The following CKMT1A variants were observed in gnomAD, a reference collection of about 807,000 sequenced individuals.
CKMT1A encodes creatine kinase U-type, mitochondrial.
CKMT1A carries 23 observed loss-of-function variants against 21.8 expected under a neutral mutation model. The observed-to-expected ratio is 1.05, with a 90% CI of 0.76 to 1.49. CKMT1A has a LOEUF of 1.49. Among genes scored for constraint, CKMT1A ranks in the 40% most tolerant of loss-of-function variants. The pLI is 0.00. For missense variants in CKMT1A, 154 were observed against 229.4 expected (o/e 0.67, Z 2.12); for synonymous variants, 67 against 80.4 (o/e 0.83, Z 0.89).
At chr15:43,697,363 G>A in intron 6 of CKMT1A, 1 of 1,233,138 alleles carries the variant, frequency 8.1e-7, no homozygotes, top group South Asian at 1.5e-5. Flanking sequence ...ACTACAAACA[G>A]GATCCCTTTA....
Position 43,696,237 on chromosome 15 carries a change from C to T in CKMT1A, c.753-3C>T, listed in dbSNP as rs1190263965. Reference sequence around the variant, plus strand: ...TTGATCACTGTCCCTCTCCGGCCCTCAGGCACAACAATGAGAAGAGCTTCC... The same window carrying T: ...TTGATCACTGTCCCTCTCCGGCCCTTAGGCACAACAATGAGAAGAGCTTCC... On this transcript the variant is annotated splice_region_variant and splice_polypyrimidine_tract_variant and intron_variant, in intron 5 of 8. Coordinates refer to ENST00000413453, the MANE Select transcript of CKMT1A (RefSeq NM_001321926.2). 6.4e-7 allele frequency: 1 copy of T among 1,574,078 alleles called. No homozygotes were observed. Among genetic ancestry groups the T allele is most frequent in the African/African-American group, 1.5e-5 (1 of 67,326 alleles).
At chr15:43,697,488 G>A (rs1408898364) in intron 6 of CKMT1A, 1 of 984,094 alleles carries the variant, frequency 1.0e-6, no homozygotes, top group African/African-American at 1.8e-5. Flanking sequence ...CCTTCCCCCT[G>A]TCCCCTATTC....
In CKMT1A at chr15:43,696,638, C is replaced by T. The variant is rs1489930714; in HGVS notation, c.876+275C>T. On this transcript the variant is annotated intron_variant, in intron 6 of 8. Coordinates refer to ENST00000413453, the MANE Select transcript of CKMT1A (RefSeq NM_001321926.2). ...CAAAGAAGGAATAACTGAGATGGCA[C>T]GTCAGTGCCTGGGATGTGTGCAGTG... is the stretch of plus-strand genomic sequence containing the variant. 14 of 535,722 alleles carry T rather than the reference C, an allele frequency of 2.6e-5. No homozygotes were observed. In the East Asian group the frequency reaches 3.1e-4, roughly 12 times the overall value. The allele number at this position is 535,722 out of a possible 1,614,324, so 33.2% of individuals were successfully genotyped here. A position where few individuals can be genotyped will look rare whatever the true frequency, so the allele number is the denominator to read the frequency against.
rs139916019 is a variant in CKMT1A, at chr15:43,697,411, C to A, written c.877-603C>A. The A allele has an allele frequency of 2.1e-3, 2,115 of 984,980 alleles. 59 individuals carry two copies. The African/African-American group carries it at 0.034, about 16-fold the overall frequency. The allele number at this position is 984,980 out of a possible 1,614,324, so 61.0% of individuals were successfully genotyped here. ...AGTGGTCTTTGTGATCATCACTCTG[C>A]TAGATCCCTTGTCTCTTGAACTCTA... is the stretch of plus-strand genomic sequence containing the variant. On this transcript the variant is annotated intron_variant, in intron 6 of 8. Coordinates refer to ENST00000413453, the MANE Select transcript of CKMT1A (RefSeq NM_001321926.2).
intron 6 of CKMT1A, chr15:43,696,748 A>G (rs2086453215): frequency 4.1e-6 from 1 of 244,714 alleles, no homozygotes; most frequent in Admixed American, 5.2e-5. Context: ...TGACTCTAAT[A>G]TAACCACCCA....
Position 43,698,719 on chromosome 15 carries a change from G to C in CKMT1A, c.1090G>C (p.Gly364Arg). Residue 364 changes from glycine to arginine, a missense_variant, in exon 8 of 9, where the codon GGC (glycine) becomes CGC (arginine). Physicochemically the swap from Gly to Arg is moderately radical, Grantham distance 125 (BLOSUM62 -2). Transcript: ENST00000413453. ...TGGAGGAGTGGACACTGCTGCCACA[G>C]GCGGTGTCTTTGATATTTCTAATTT... ...GTGGVDTAAT[G>R]GVFDISNLDR... The C allele has an allele frequency of 1.9e-6, 3 of 1,613,678 alleles. No individual in the cohort carries two copies. Among genetic ancestry groups the C allele is most frequent in the Non-Finnish European group, 8.5e-7 (1 of 1,179,874 alleles).
Position 43,698,679 on chromosome 15 carries a change from C to A in CKMT1A, c.1050C>A (p.Leu350=), listed in dbSNP as rs2086490827. ...RFPKILENLR[L]QKRGTGGVDT... ...CAAAGATCCTGGAGAACCTAAGACT[C>A]CAAAAGCGTGGTACTGGAGGAGTGG... Residue 350 remains leucine, a synonymous_variant, in exon 8 of 9, where the codon CTC becomes CTA. Transcript: ENST00000413453. 6.2e-7 allele frequency: 1 copy of A among 1,613,382 alleles called. No homozygotes were observed. Among genetic ancestry groups the A allele is most frequent in the Non-Finnish European group, 8.5e-7 (1 of 1,179,774 alleles).
Position 43,696,729 on chromosome 15 carries a change from C to T in CKMT1A, c.876+366C>T, listed in dbSNP as rs1302134134. 3 of 273,808 alleles carry T rather than the reference C, an allele frequency of 1.1e-5. No individual in the cohort carries two copies. The East Asian group carries it at 2.4e-4, about 22-fold the overall frequency. The allele number at this position is 273,808 out of a possible 1,614,324, so 17.0% of individuals were successfully genotyped here. A position where few individuals can be genotyped will look rare whatever the true frequency, so the allele number is the denominator to read the frequency against. On this transcript the variant is annotated intron_variant, in intron 6 of 8. Coordinates refer to ENST00000413453, the MANE Select transcript of CKMT1A (RefSeq NM_001321926.2). Reference sequence around the variant, plus strand: ...GATTGATGTTGGCGGGGAGAGGTTGCTGTGTTCATGACTCTAATATAACCA... The same window carrying T: ...GATTGATGTTGGCGGGGAGAGGTTGTTGTGTTCATGACTCTAATATAACCA...
chr15:43,698,578 C>T, intron 7 of CKMT1A, 63 bp from the exon 8 acceptor site: 1 of 1,542,762 alleles, frequency 6.5e-7, no homozygotes, highest in Non-Finnish European at 8.7e-7. Context: ...GTTCAGGGCT[C>T]TTTCAGGTAG....
rs1416236446 is a variant in CKMT1A at position 43,696,065 on chromosome 15, G to A, written c.693G>A (p.Val231=). ...ACCACTTTCTGTTTGATAAGCCTGT[G>A]TCCCCGTTGCTGACTGCAGCAGGAA... ...IDDHFLFDKP[V]SPLLTAAGMA... is the part of the protein sequence containing the mutation. Residue 231 remains valine, a synonymous_variant, in exon 5 of 9, where the codon GTG becomes GTA. Transcript: ENST00000413453. 1.8e-6 allele frequency: 1 copy of A among 554,224 alleles called. No homozygotes were observed. The highest frequency in any genetic ancestry group is 4.0e-5 in the Admixed American group (1 of 25,200). The allele number at this position is 554,224 out of a possible 1,614,324, so 34.3% of individuals were successfully genotyped here.
Position 43,698,132 on chromosome 15 carries a change from T to C in CKMT1A, c.995T>C (p.Leu332Pro). The C allele has an allele frequency of 6.2e-7, 1 of 1,611,794 alleles. No homozygotes were observed. The highest frequency in any genetic ancestry group is 8.5e-7 in the Non-Finnish European group (1 of 1,178,468). Residue 332 changes from leucine to proline, a missense_variant, in exon 7 of 9, where the codon CTG becomes CCG. By Grantham distance (98) the Leu-to-Pro change is moderately conservative. Coordinates refer to ENST00000413453, the MANE Select transcript of CKMT1A (RefSeq NM_001321926.2). ...CTTCGGGCAGGAGTGCACATCAAAC[T>C]GCCCCTGCTAAGCAAAGTAAAGGAG... ...TGLRAGVHIK[L>P]PLLSKDSRFP...
chr15:43,696,495 C>T (rs996146915), intron 6 of CKMT1A, 132 bp downstream of exon 6: 2 of 1,412,288 alleles, frequency 1.4e-6, no homozygotes, highest in African/African-American at 2.9e-5. Flanking sequence ...CTAGGACTCA[C>T]TCTAGGACTA....
intron 6 of CKMT1A, 76 bp downstream of exon 6, chr15:43,696,439 A>C (rs1490206305): frequency 6.2e-7 from 1 of 1,603,032 alleles, no homozygotes. Flanking sequence ...TAGATTATGT[A>C]ATTTATCAAC....
rs560356063 is a variant in CKMT1A at position 43,696,432 on chromosome 15, A to G, written c.876+69A>G. ...GAAAACCAAAGAGTAGCATAAATAG[A>G]TTATGTAATTTATCAACCAACCCAA... On this transcript the variant is annotated intron_variant, in intron 6 of 8. Transcript: ENST00000413453. 7.7e-5 allele frequency: 123 copies of G among 1,605,308 alleles called. 5 individuals carry two copies. The highest frequency in any genetic ancestry group is 3.3e-4 in the African/African-American group (24 of 73,188).
In CKMT1A at chr15:43,697,999, A is replaced by C. The variant is rs3959589; in HGVS notation, c.877-15A>C. Reference sequence around the variant, plus strand: ...TATCCCTGATTTTTCATTAATAAAAACTTTGTGGACTCAGGTGGAGAGACT... The same window carrying C: ...TATCCCTGATTTTTCATTAATAAAACCTTTGTGGACTCAGGTGGAGAGACT... On this transcript the variant is annotated splice_polypyrimidine_tract_variant and intron_variant, in intron 6 of 8. Transcript: ENST00000413453. 6.1e-5 allele frequency: 98 copies of C among 1,613,708 alleles called. 2 individuals are homozygous for C. The highest frequency in any genetic ancestry group is 3.1e-4 in the East Asian group (14 of 44,870).
At chr15:43,696,996 T>G in intron 6 of CKMT1A, 1 of 292,316 alleles carries the variant, frequency 3.4e-6, no homozygotes, top group Non-Finnish European at 6.8e-6. Context: ...CAATTCTTAC[T>G]GTATGTTCTC....
rs560455626 is a variant in CKMT1A at position 43,697,439 on chromosome 15, A to C, written c.877-575A>C. The C allele has an allele frequency of 3.0e-6, 3 of 984,966 alleles. No individual in the cohort carries two copies. In the South Asian group the frequency reaches 1.4e-4, roughly 46 times the overall value. 61.0% of individuals were successfully genotyped at this position (984,966 alleles called of 1,614,324 possible). ...GATCCCTTGTCTCTTGAACTCTAAT[A>C]GTCATCTTCATGACTACATGGTTAA... On this transcript the variant is annotated intron_variant, in intron 6 of 8. Coordinates refer to ENST00000413453, the MANE Select transcript of CKMT1A (RefSeq NM_001321926.2).
chr15:43,698,521 A>C, intron 7 of CKMT1A, 120 bp from the exon 8 acceptor site: 1 of 1,415,018 alleles, frequency 7.1e-7, no homozygotes, highest in South Asian at 1.5e-5. Context: ...AAAAAAAAAA[A>C]AAGAAAAAAG....
intron 7 of CKMT1A, among the ~76,000 whole-genome samples, 172 bp downstream of exon 7, chr15:43,698,320 G>C (rs1225096105): frequency 6.6e-6 from 1 of 151,840 alleles, no homozygotes; most frequent in Non-Finnish European, 1.5e-5. Context: ...GGCCAAGGCA[G>C]GCAGATCATT....
Sources: allele counts gnomAD v4.1 joint callset (sites outside exome capture counted in the v4.1 genomes callset), GRCh38; gene constraint gnomAD v4.1.1; transcripts MANE v1.5; gene names NCBI Gene and HGNC (gene_info 2026-07-23, HGNC 2026-07-21).